The following PLCH1 variants were observed in gnomAD, a reference collection of about 807,000 sequenced individuals.
PLCH1 encodes the protein phospholipase C eta 1.
Under a neutral mutation model 126.7 loss-of-function variants are expected in PLCH1, and 60 were observed. That is an observed-to-expected ratio of 0.47 (90% CI 0.38 to 0.59). The LOEUF (loss-of-function observed/expected upper bound fraction) is 0.59, where lower values mean the gene tolerates loss of function less well. Among genes scored for constraint, PLCH1 ranks in the 20% least tolerant of loss-of-function variants. PLCH1 has a pLI of 0.00. For missense variants in PLCH1, 1,723 were observed against 2,040.0 expected, an observed-to-expected ratio of 0.84 and a Z score of 2.99; for synonymous variants, 719 against 734.9, an observed-to-expected ratio of 0.98 and a Z score of 0.35.
intron 4 of PLCH1, 94 bp from the exon 5 acceptor site, chr3:155,586,288 G>A (rs1339082255): frequency 1.6e-6 from 2 of 1,279,590 alleles, no homozygotes. Flanking sequence ...CAGTAACACA[G>A]AACTTGAGAA....
intron 1 of PLCH1, among the ~76,000 whole-genome samples, chr3:155,740,844 T>C (rs1749570874): frequency 6.6e-6 from 1 of 152,214 alleles, no homozygotes; most frequent in African/African-American, 2.4e-5. Flanking sequence ...GAAAATCATT[T>C]AGCAACTTTG....
At chr3:155,567,647 T>G (rs1203400722) in intron 7 of PLCH1, among the ~76,000 whole-genome samples, 2 of 152,196 alleles carry the variant, frequency 1.3e-5, no homozygotes, top group Non-Finnish European at 2.9e-5. Context: ...TATACATACA[T>G]GTAGCTATAT....
chr3:155,589,157 G>A (rs915782504), intron 4 of PLCH1, among the ~76,000 whole-genome samples: 2 of 152,124 alleles, frequency 1.3e-5, no homozygotes, highest in African/African-American at 4.8e-5. Flanking sequence ...AGCATGCAAA[G>A]CATTGAATGA....
intron 12 of PLCH1, among the ~76,000 whole-genome samples, chr3:155,506,127 G>C (rs1718643998): frequency 6.6e-6 from 1 of 152,052 alleles, no homozygotes; most frequent in Non-Finnish European, 1.5e-5. Flanking sequence ...AATGCTAATT[G>C]CATTACATAT....
chr3:155,564,857 G>T, intron 8 of PLCH1, 58 bp downstream of exon 8: 2 of 1,080,198 alleles, frequency 1.9e-6, no homozygotes, highest in South Asian at 1.3e-5. Flanking sequence ...AGACTCGACA[G>T]ACTGATTAAA....
intron 11 of PLCH1, among the ~76,000 whole-genome samples, chr3:155,520,977 C>T (rs1319468078): frequency 5.3e-5 from 8 of 152,140 alleles, no homozygotes; most frequent in Admixed American, 1.3e-4. Flanking sequence ...AGGGTGGTGC[C>T]GGGAGAGCCT....
chr3:155,460,206 C>T (rs2107972732), intron 21 of PLCH1, among the ~76,000 whole-genome samples: 1 of 152,150 alleles, frequency 6.6e-6, no homozygotes, highest in African/African-American at 2.4e-5. Flanking sequence ...GATCTAGAAC[C>T]CAGTGATTGA....
chr3:155,466,881 G>A (rs369037456), intron 21 of PLCH1, among the ~76,000 whole-genome samples: 3 of 152,246 alleles, frequency 2.0e-5, no homozygotes, highest in African/African-American at 4.8e-5. Flanking sequence ...TTCTTTAATT[G>A]TGGACTTGAT....
chr3:155,643,114 A>G (rs1739597648), intron 2 of PLCH1, among the ~76,000 whole-genome samples: 1 of 151,986 alleles, frequency 6.6e-6, no homozygotes, highest in Non-Finnish European at 1.5e-5. Context: ...ATGCCCAACT[A>G]ATTTTTTTAT....
chr3:155,594,005 T>C lies in PLCH1; in HGVS notation c.406A>G (p.Lys136Glu), dbSNP rs545522901. ...TCACTGATGCCAGCCATCAGGTACT[T>C]GAGGCCTGTGATCCAGGTGCGGGCC... is the stretch of plus-strand genomic sequence containing the variant. The part of the protein sequence containing the change: ...EEARTWITGL[K>E]YLMAGISDED... Residue 136 changes from lysine to glutamate, a missense_variant, in exon 4 of 23, where the codon AAG becomes GAG. Lys to Glu is a moderately conservative substitution (Grantham distance 56). Coordinates refer to ENST00000460012, the MANE Select transcript of PLCH1 (RefSeq NM_014996.4). 19 of 1,614,062 alleles carry C rather than the reference T, an allele frequency of 1.2e-5. No homozygotes were observed. The South Asian group carries it at 2.0e-4, about 17-fold the overall frequency.
chr3:155,585,117 C>T (rs1731189034), intron 5 of PLCH1, among the ~76,000 whole-genome samples: 1 of 152,168 alleles, frequency 6.6e-6, no homozygotes, highest in African/African-American at 2.4e-5. Context: ...TTCTCCAGTG[C>T]AATGGGACTC....
chr3:155,595,712 GTATCTATC>G (rs550937783), intron 3 of PLCH1, among the ~76,000 whole-genome samples: 2 of 151,908 alleles, frequency 1.3e-5, no homozygotes, highest in Non-Finnish European at 2.9e-5. Flanking sequence ...ATACATCTAT[GTATCTATC>G]TATCTATCTA....
chr3:155,705,963 C>A (rs143994953), intron 1 of PLCH1, among the ~76,000 whole-genome samples: 5,459 of 151,618 alleles, frequency 0.036, 123 homozygotes, highest in Middle Eastern at 0.12. Context: ...ATCACGAGGT[C>A]CAGAGATCGA....
chr3:155,556,150 C>G (rs370481408), intron 8 of PLCH1, among the ~76,000 whole-genome samples: 1 of 152,126 alleles, frequency 6.6e-6, no homozygotes, highest in African/African-American at 2.4e-5. Context: ...CTTTAGAGTT[C>G]GAGACCGGCC....
At chr3:155,674,141 C>A (rs1743843947) in intron 2 of PLCH1, among the ~76,000 whole-genome samples, 1 of 152,152 alleles carries the variant, frequency 6.6e-6, no homozygotes, top group Non-Finnish European at 1.5e-5. Context: ...CTTGCTCCTG[C>A]TTCTAGTTTT....
intron 7 of PLCH1, among the ~76,000 whole-genome samples, chr3:155,567,924 G>T (rs497397): frequency 6.6e-6 from 1 of 151,992 alleles, no homozygotes; most frequent in South Asian, 2.1e-4. Context: ...AAATTATCAG[G>T]CTAATTTCCA....
Position 155,504,536 on chromosome 3 carries a change from T to C in PLCH1, c.1704+19A>G. 1 of 1,381,754 alleles carries C rather than the reference T, an allele frequency of 7.2e-7. No individual in the cohort carries two copies. Among genetic ancestry groups the C allele is most frequent in the Non-Finnish European group, 1.0e-6 (1 of 968,604 alleles). 85.6% of individuals were successfully genotyped at this position (1,381,754 alleles called of 1,614,324 possible). A position where few individuals can be genotyped will look rare whatever the true frequency, so the allele number is the denominator to read the frequency against. ...TTAAATTAACTGAAGTATGCATAGT[T>C]ATTACTCTTAATTCATACCTTATGT... On this transcript the variant is annotated intron_variant, in intron 13 of 22. Transcript: ENST00000460012.
At chr3:155,662,519 T>C (rs1249681212) in intron 2 of PLCH1, among the ~76,000 whole-genome samples, 1 of 151,796 alleles carries the variant, frequency 6.6e-6, no homozygotes, top group Non-Finnish European at 1.5e-5. Flanking sequence ...ATACAAGTTT[T>C]TTTTTTTTAA....
At chr3:155,526,307 A>G (rs1721882736) in intron 10 of PLCH1, among the ~76,000 whole-genome samples, 5 of 152,046 alleles carry the variant, frequency 3.3e-5, no homozygotes, top group Admixed American at 2.6e-4. Flanking sequence ...TTATCAGATC[A>G]GGTTATAGAA....
Sources: gnomAD v4.1 joint callset for allele counts (sites outside exome capture counted in the v4.1 genomes callset) on GRCh38, gnomAD v4.1.1 for gene constraint, MANE v1.5 for transcripts, NCBI Gene and HGNC (gene_info 2026-07-23, HGNC 2026-07-21) for gene names.